Variants in SPECC1 observed in about 807,000 individuals in gnomAD.
SPECC1 encodes the protein sperm antigen with calponin homology and coiled-coil domains 1.
A neutral mutation model predicts 104.1 loss-of-function variants in SPECC1; 62 were observed. The ratio of observed to expected loss-of-function variants is 0.60; its 90% CI spans 0.49 to 0.74. SPECC1 has a LOEUF of 0.74. Ranked by LOEUF, SPECC1 falls within the 30% of genes least tolerant of loss-of-function variation. The pLI, the probability that SPECC1 is intolerant of heterozygous loss-of-function variation, is 0.00. For synonymous variants in SPECC1, 513 were observed against 501.6 expected (o/e 1.02, Z -0.30); for missense variants, 1,306 against 1,310.5 (o/e 1.00, Z 0.05).
intron 2 of SPECC1, among the ~76,000 whole-genome samples, chr17:20,097,157 T>G (rs1392868263): frequency 1.3e-5 from 2 of 152,116 alleles, no homozygotes; most frequent in Non-Finnish European, 2.9e-5. Flanking sequence ...TTCAAGCCCC[T>G]CTTACTGGAC....
At chr17:20,156,424 A>G (rs569807331) in intron 3 of SPECC1, among the ~76,000 whole-genome samples, 17 of 152,274 alleles carry the variant, frequency 1.1e-4, no homozygotes, top group Admixed American at 2.6e-4. Flanking sequence ...CGCCGCGACC[A>G]GAAAACGCTG....
At chr17:20,044,830 C>A (rs1402982284) in intron 1 of SPECC1, among the ~76,000 whole-genome samples, 1 of 152,176 alleles carries the variant, frequency 6.6e-6, no homozygotes, top group Non-Finnish European at 1.5e-5. Context: ...TTATTTATAA[C>A]CGCATTTTGA....
chr17:20,112,040 C>T, intron 3 of SPECC1: 2 of 768,866 alleles, frequency 2.6e-6, no homozygotes, highest in Admixed American at 3.4e-5. Flanking sequence ...ATTTATTGAT[C>T]CTGACAGATT....
intron 1 of SPECC1, chr17:20,017,009 C>T (rs1223613243): frequency 1.3e-5 from 2 of 152,336 alleles, no homozygotes; most frequent in African/African-American, 4.8e-5. Context: ...TCAAAATGGA[C>T]CAATCAGCTC....
At chr17:20,241,948 A>G (rs1300589298) in intron 7 of SPECC1, among the ~76,000 whole-genome samples, 5 of 152,230 alleles carry the variant, frequency 3.3e-5, no homozygotes, top group Admixed American at 6.5e-5. Flanking sequence ...CTAGATGGGC[A>G]GAGGGGAGTC....
At chr17:20,190,257 G>T (rs993303889) in intron 3 of SPECC1, among the ~76,000 whole-genome samples, 1 of 152,042 alleles carries the variant, frequency 6.6e-6, no homozygotes, top group African/African-American at 2.4e-5. Context: ...TAAAGCTGAC[G>T]GATTGCTAAT....
chr17:20,114,215 C>G (rs1567853238), intron 3 of SPECC1, among the ~76,000 whole-genome samples: 1 of 152,056 alleles, frequency 6.6e-6, no homozygotes, highest in Non-Finnish European at 1.5e-5. Context: ...TTTTTTGAGA[C>G]AGAGTATCAG....
rs1567923485 is a variant in SPECC1 at position 20,194,501 on chromosome 17, A to ATTTTTTTTTTTTTTTTTTTT, written c.284-9832_284-9831insTTTTTTTTTTTTTTTTTTTT. The stretch of plus-strand genomic sequence containing the variant: ...TTGTGTTCTGTTAGAAAAGAGAACG[A>ATTTTTTTTTTTTTTTTTTTT]ATTTTTTTTTTTTTTTTTTTTTTTG... On this transcript the variant is annotated intron_variant, in intron 3 of 14. Coordinates refer to ENST00000395527, the MANE Select transcript of SPECC1 (RefSeq NM_001243439.2). Among the ~76,000 whole-genome samples the ATTTTTTTTTTTTTTTTTTTT allele has an allele frequency of 7.3e-5, 5 of 68,136 alleles. No individual in the cohort carries two copies. In the East Asian group the frequency reaches 6.2e-3, roughly 85 times the overall value. The allele number at this position is 68,136 out of a possible 152,430, so 44.7% of individuals were successfully genotyped here. A position where few individuals can be genotyped will look rare whatever the true frequency, so the allele number is the denominator to read the frequency against.
In SPECC1 at chr17:20,204,626, A is replaced by G. The variant is rs2036648914; in HGVS notation, c.577A>G (p.Lys193Glu). ...EINRLRSELK[K>E]YKEKRTLNAE... is the part of the protein sequence containing the mutation. The stretch of plus-strand genomic sequence containing the variant: ...TAACAGGCTTCGAAGTGAACTAAAG[A>G]AATACAAAGAGAAAAGGACTCTGAA... Residue 193 changes from lysine to glutamate, a missense_variant, in exon 4 of 15, where the codon AAA (lysine) becomes GAA (glutamate). Coordinates refer to ENST00000395527, the MANE Select transcript of SPECC1 (RefSeq NM_001243439.2). 1.9e-6 allele frequency: 3 copies of G among 1,614,192 alleles called. No homozygotes were observed. Among genetic ancestry groups the G allele is most frequent in the East Asian group, 4.5e-5 (2 of 44,884 alleles).
chr17:20,244,691 A>G (rs1440916831), intron 7 of SPECC1, among the ~76,000 whole-genome samples: 2 of 146,670 alleles, frequency 1.4e-5, no homozygotes, highest in African/African-American at 4.9e-5. Context: ...AATGATCAGT[A>G]AATAACTATT....
intron 1 of SPECC1, among the ~76,000 whole-genome samples, chr17:20,034,095 C>CTTTTTT (rs34012755): frequency 6.9e-6 from 1 of 144,838 alleles, no homozygotes. Flanking sequence ...GTTTGATATT[C>CTTTTTT]TTTTTTTTTT....
intron 3 of SPECC1, among the ~76,000 whole-genome samples, chr17:20,188,444 G>A (rs2035431238): frequency 1.3e-5 from 2 of 152,102 alleles, no homozygotes; most frequent in African/African-American, 4.8e-5. Flanking sequence ...TTTTAGTAGA[G>A]ACGGGGTTTC....
chr17:20,314,746 A>G lies in SPECC1; in HGVS notation c.*681A>G. 1 of 163,706 alleles carries G rather than the reference A, an allele frequency of 6.1e-6. No homozygotes were observed. The highest frequency in any genetic ancestry group is 1.4e-4 in the East Asian group (1 of 7,378). 10.1% of individuals were successfully genotyped at this position (163,706 alleles called of 1,614,324 possible). On this transcript the variant is annotated 3_prime_UTR_variant, in exon 15 of 15. Transcript: ENST00000395527. ...AAAAAATAAACATTTGTTCCAGGGC[A>G]ACCTGGAAACGTGCGTGCGCACTCA...
intron 12 of SPECC1, among the ~76,000 whole-genome samples, chr17:20,274,507 CTTT>C (rs1162367833): frequency 3.0e-5 from 4 of 131,460 alleles, no homozygotes; most frequent in Admixed American, 7.6e-5. Context: ...TTTCTTTTTT[CTTT>C]TTTTTTTTTT....
At chr17:20,260,553 G>A (rs918321304) in intron 12 of SPECC1, among the ~76,000 whole-genome samples, 2 of 152,202 alleles carry the variant, frequency 1.3e-5, no homozygotes, top group Admixed American at 6.5e-5. Context: ...TGCACCTCCC[G>A]AGGGAAGGGG....
intron 1 of SPECC1, among the ~76,000 whole-genome samples, chr17:20,060,936 T>C (rs2046162923): frequency 6.6e-6 from 1 of 152,236 alleles, no homozygotes. Context: ...AGGACTAAGA[T>C]TAACTACTGT....
chr17:20,180,999 T>TA (rs35656680), intron 3 of SPECC1, among the ~76,000 whole-genome samples: 29 of 151,410 alleles, frequency 1.9e-4, no homozygotes, highest in Non-Finnish European at 3.4e-4. Context: ...AAATTAGTGG[T>TA]AAAAAAAAAG....
intron 12 of SPECC1, among the ~76,000 whole-genome samples, chr17:20,289,149 C>T (rs944318651): frequency 2.0e-5 from 3 of 152,116 alleles, no homozygotes; most frequent in Admixed American, 6.6e-5. Flanking sequence ...GTGGAAACCC[C>T]TGATAAACTC....
chr17:20,034,264 A>G (rs1301155418), intron 1 of SPECC1, among the ~76,000 whole-genome samples: 1 of 149,668 alleles, frequency 6.7e-6, no homozygotes, highest in African/African-American at 2.5e-5. Context: ...CACCCGGCTA[A>G]TTTTTTATAT....
Sources: gnomAD v4.1 joint callset for allele counts (sites outside exome capture counted in the v4.1 genomes callset) on GRCh38, gnomAD v4.1.1 for gene constraint, MANE v1.5 for transcripts, NCBI Gene and HGNC (gene_info 2026-07-23, HGNC 2026-07-21) for gene names.